The following ZNF148 variants were observed in gnomAD, a reference collection of about 807,000 sequenced individuals.
ZNF148 encodes Beta-Enolase Repressor Factor-1.
In ZNF148, 7 loss-of-function variants were observed where a neutral mutation model predicts 67.7. That is an observed-to-expected ratio of 0.10 (90% CI 0.06 to 0.19). ZNF148 has a LOEUF of 0.19. Ranked by LOEUF, ZNF148 falls within the 10% of genes least tolerant of loss-of-function variation. ZNF148 has a pLI of 1.00. For synonymous variants in ZNF148, 333 were observed against 330.7 expected (o/e 1.01, Z -0.08); for missense variants, 583 against 947.1 (o/e 0.62, Z 5.05).
intron 2 of ZNF148, among the ~76,000 whole-genome samples, chr3:125,325,874 A>T (rs1415382748): frequency 6.6e-6 from 1 of 152,202 alleles, no homozygotes; most frequent in Non-Finnish European, 1.5e-5. Flanking sequence ...GACACAACAT[A>T]GTCAAACTTG....
At chr3:125,293,941 T>C (rs547844174) in intron 4 of ZNF148, among the ~76,000 whole-genome samples, 1 of 151,998 alleles carries the variant, frequency 6.6e-6, no homozygotes, top group South Asian at 2.1e-4. Context: ...CTGTCAATTA[T>C]AAAGAAAAAA....
rs141061841 is a variant in ZNF148 at position 125,359,027 on chromosome 3, C to T, written c.-234+16075G>A. The stretch of plus-strand genomic sequence containing the variant: ...ATACTCATCATTGGCCTAACCCACA[C>T]AATCCACCCAAATATTCAGAATATG... On this transcript the variant is annotated intron_variant, in intron 1 of 8. Transcript: ENST00000360647. Among the ~76,000 whole-genome samples, 46 of 152,346 alleles carry T rather than the reference C, an allele frequency of 3.0e-4. 1 individual carries two copies. Among genetic ancestry groups the T allele is most frequent in the African/African-American group, 1.0e-3 (42 of 41,582 alleles).
At chr3:125,327,999 TTA>T (rs1941101568) in intron 2 of ZNF148, among the ~76,000 whole-genome samples, 1 of 152,196 alleles carries the variant, frequency 6.6e-6, no homozygotes, top group African/African-American at 2.4e-5. Context: ...CTCAGGCATT[TTA>T]TCTTTGTAGT....
intron 3 of ZNF148, among the ~76,000 whole-genome samples, chr3:125,318,274 G>A (rs1940614148): frequency 1.3e-5 from 2 of 152,054 alleles, no homozygotes; most frequent in African/African-American, 4.8e-5. Context: ...TATTTTTAGG[G>A]AGGATCAGCC....
chr3:125,324,189 A>T (rs79803106), intron 2 of ZNF148, among the ~76,000 whole-genome samples: 1 of 151,946 alleles, frequency 6.6e-6, no homozygotes, highest in Non-Finnish European at 1.5e-5. Flanking sequence ...AATAATAAAA[A>T]AAATAAAAAG....
Position 125,229,839 on chromosome 3 carries a change from G to A in ZNF148, c.*2502C>T, listed in dbSNP as rs1935781023. 2 of 152,394 alleles carry A rather than the reference G, an allele frequency of 1.3e-5. No individual in the cohort carries two copies. The highest frequency in any genetic ancestry group is 4.1e-4 in the South Asian group (2 of 4,830). 9.4% of individuals were successfully genotyped at this position (152,394 alleles called of 1,614,324 possible). A position where few individuals can be genotyped will look rare whatever the true frequency, so the allele number is the denominator to read the frequency against. On this transcript the variant is annotated 3_prime_UTR_variant, in exon 9 of 9. Coordinates refer to ENST00000360647, the MANE Select transcript of ZNF148 (RefSeq NM_021964.3). ...TGGGGAAATCCAAAACTGTTGAGATGTTTGTCATATTATGATAGAACAAGG... is the reference window on the plus strand; with the variant it reads ...TGGGGAAATCCAAAACTGTTGAGATATTTGTCATATTATGATAGAACAAGG...
intron 1 of ZNF148, among the ~76,000 whole-genome samples, chr3:125,341,031 A>C (rs1246637507): frequency 6.6e-6 from 1 of 151,312 alleles, no homozygotes; most frequent in African/African-American, 2.4e-5. Flanking sequence ...GATGTAACAA[A>C]AAACACCTAA....
At chr3:125,273,274 A>G (rs949095844) in intron 7 of ZNF148, among the ~76,000 whole-genome samples, 7 of 152,326 alleles carry the variant, frequency 4.6e-5, no homozygotes, top group Admixed American at 2.0e-4. Flanking sequence ...GTTGTGAATA[A>G]AAGTCATAGT....
chr3:125,286,463 C>CTTA (rs1938662304), intron 5 of ZNF148, among the ~76,000 whole-genome samples: 1 of 152,160 alleles, frequency 6.6e-6, no homozygotes, highest in Non-Finnish European at 1.5e-5. Flanking sequence ...AGAAGTGTAA[C>CTTA]TGGTATAACA....
chr3:125,304,818 G>A (rs917373009), intron 4 of ZNF148, among the ~76,000 whole-genome samples: 2 of 152,098 alleles, frequency 1.3e-5, no homozygotes, highest in Non-Finnish European at 2.9e-5. Context: ...CCCAGACCTT[G>A]GCTTCTAAAT....
chr3:125,262,792 G>A (rs1015925159), intron 7 of ZNF148, among the ~76,000 whole-genome samples: 4 of 152,140 alleles, frequency 2.6e-5, no homozygotes, highest in African/African-American at 7.2e-5. Flanking sequence ...AGAAATTCAT[G>A]GAACACTGAT....
chr3:125,271,932 G>A (rs191687907), intron 7 of ZNF148, among the ~76,000 whole-genome samples: 2 of 152,236 alleles, frequency 1.3e-5, no homozygotes, highest in East Asian at 3.9e-4. Context: ...TTGCTACCCT[G>A]TGTGTGTTTC....
At position 125,277,790 on chromosome 3, in the gene ZNF148, A is replaced by G. The variant is rs2107605715; in HGVS notation, c.603T>C (p.Cys201=). 1 of 1,609,704 alleles carries G rather than the reference A, an allele frequency of 6.2e-7. No individual in the cohort carries two copies. Among genetic ancestry groups the G allele is most frequent in the South Asian group, 1.1e-5 (1 of 90,048 alleles). ...FIHTGEKPFQ[C]SQCDMRFIQK... ...GTATGAAACGCATGTCACATTGACT[A>G]CATTGAAATGGTTTTTCACCTTAAA... Residue 201 remains cysteine, a synonymous_variant, in exon 7 of 9, where the codon TGT becomes TGC. Coordinates refer to ENST00000360647, the MANE Select transcript of ZNF148 (RefSeq NM_021964.3).
chr3:125,317,611 AT>A (rs1190249570), intron 3 of ZNF148, among the ~76,000 whole-genome samples: 1 of 148,416 alleles, frequency 6.7e-6, no homozygotes, highest in Non-Finnish European at 1.5e-5. Flanking sequence ...GTGAAAAAAA[AT>A]CAAGGAGAAC....
chr3:125,242,893 A>G (rs1421788910), intron 7 of ZNF148, among the ~76,000 whole-genome samples: 1 of 152,182 alleles, frequency 6.6e-6, no homozygotes, highest in East Asian at 1.9e-4. Flanking sequence ...ATAAGCCAGA[A>G]CCAAAATGTT....
At chr3:125,323,699 G>A (rs573411919) in intron 2 of ZNF148, among the ~76,000 whole-genome samples, 31 of 152,148 alleles carry the variant, frequency 2.0e-4, no homozygotes, top group Non-Finnish European at 3.1e-4. Flanking sequence ...AGTTGCTCAC[G>A]CCTGTAATCC....
chr3:125,258,247 C>T (rs933972174), intron 7 of ZNF148, among the ~76,000 whole-genome samples: 2 of 151,560 alleles, frequency 1.3e-5, no homozygotes, highest in Non-Finnish European at 2.9e-5. Context: ...ACGGTGAAAC[C>T]CCATCTCTAC....
intron 7 of ZNF148, among the ~76,000 whole-genome samples, chr3:125,254,341 G>C (rs1936976161): frequency 6.6e-6 from 1 of 152,140 alleles, no homozygotes; most frequent in Non-Finnish European, 1.5e-5. Context: ...TGAAAATAAT[G>C]TGTACTTGGT....
chr3:125,368,410 C>T (rs1942766177), intron 1 of ZNF148, among the ~76,000 whole-genome samples: 1 of 152,204 alleles, frequency 6.6e-6, no homozygotes, highest in Non-Finnish European at 1.5e-5. Flanking sequence ...GTGAAGCTAT[C>T]ACCCCTGTTC....
Sources: gnomAD v4.1 joint callset for allele counts (sites outside exome capture counted in the v4.1 genomes callset) on GRCh38, gnomAD v4.1.1 for gene constraint, MANE v1.5 for transcripts, NCBI Gene and HGNC (gene_info 2026-07-23, HGNC 2026-07-21) for gene names.